NRG3: variants seen among roughly 807,000 people sequenced by gnomAD.
The protein encoded by NRG3 is neuregulin 3.
A neutral mutation model predicts 66.9 loss-of-function variants in NRG3; 31 were observed. The ratio of observed to expected loss-of-function variants is 0.46; its 90% confidence interval spans 0.35 to 0.63. The LOEUF (loss-of-function observed/expected upper bound fraction) is 0.63, where lower values mean the gene tolerates loss of function less well. Among genes scored for constraint, NRG3 ranks in the 20% least tolerant of loss-of-function variants. The pLI, the probability that NRG3 is intolerant of heterozygous loss-of-function variation, is 0.00. For missense variants in NRG3, 910 were observed against 878.9 expected, an observed-to-expected ratio of 1.04 and a Z score of -0.45; for synonymous variants, 393 against 359.4, an observed-to-expected ratio of 1.09 and a Z score of -1.06.
intron 1 of NRG3, among the ~76,000 whole-genome samples, chr10:82,016,010 A>G (rs2061771310): frequency 6.6e-6 from 1 of 150,538 alleles, no homozygotes; most frequent in African/African-American, 2.4e-5. Flanking sequence ...CAGGCAAACT[A>G]GATACCTTTA....
chr10:82,684,490 T>C (rs541537022), intron 2 of NRG3, among the ~76,000 whole-genome samples: 68 of 152,278 alleles, frequency 4.5e-4, no homozygotes, highest in African/African-American at 1.5e-3. Context: ...ATTTCAAAAT[T>C]GAGCACTAGA....
intron 2 of NRG3, among the ~76,000 whole-genome samples, chr10:82,375,165 ACTT>A (rs2085136031): frequency 6.6e-6 from 1 of 152,220 alleles, no homozygotes; most frequent in Non-Finnish European, 1.5e-5. Flanking sequence ...ATGAAGAAGC[ACTT>A]CTTAGAGGTT....
At chr10:82,358,144 G>T (rs1017193557) in intron 1 of NRG3, among the ~76,000 whole-genome samples, 2 of 152,212 alleles carry the variant, frequency 1.3e-5, no homozygotes, top group African/African-American at 4.8e-5. Context: ...GCAATAATTG[G>T]TCCTGTTAAA....
chr10:81,954,973 A>G (rs1385224775), intron 1 of NRG3, among the ~76,000 whole-genome samples: 2 of 151,974 alleles, frequency 1.3e-5, no homozygotes, highest in Non-Finnish European at 2.9e-5. Flanking sequence ...AACTGGCATG[A>G]GTTGTGCTCA....
chr10:81,907,708 G>A (rs189708379), intron 1 of NRG3, among the ~76,000 whole-genome samples: 3 of 152,218 alleles, frequency 2.0e-5, no homozygotes, highest in Admixed American at 2.0e-4. Context: ...TAAATTTGGA[G>A]CTGGGTTGTA....
intron 4 of NRG3, among the ~76,000 whole-genome samples, chr10:82,869,467 A>G (rs887940391): frequency 7.9e-5 from 12 of 152,180 alleles, no homozygotes; most frequent in African/African-American, 2.9e-4. Flanking sequence ...TATGATATGT[A>G]TCCATTATTA....
intron 3 of NRG3, among the ~76,000 whole-genome samples, chr10:82,836,674 A>G (rs966567828): frequency 6.6e-6 from 1 of 151,964 alleles, no homozygotes; most frequent in Non-Finnish European, 1.5e-5. Flanking sequence ...TGTAGGTTAT[A>G]TGCAAATACT....
chr10:82,481,452 G>T (rs1041651174), intron 2 of NRG3, among the ~76,000 whole-genome samples: 1 of 152,096 alleles, frequency 6.6e-6, no homozygotes, highest in Non-Finnish European at 1.5e-5. Flanking sequence ...TTTACTTTCT[G>T]AGAGTGTGAC....
chr10:82,891,853 T>G (rs990492340), intron 4 of NRG3, among the ~76,000 whole-genome samples: 2 of 152,054 alleles, frequency 1.3e-5, no homozygotes, highest in African/African-American at 4.8e-5. Context: ...ATTCCCAATC[T>G]CAGAATGAAA....
At chr10:82,877,024 G>GA (rs763600557) in intron 4 of NRG3, among the ~76,000 whole-genome samples, 1,947 of 94,384 alleles carry the variant, frequency 0.021, 27 homozygotes, top group African/African-American at 0.055. Flanking sequence ...ACTCTGCCAA[G>GA]AAAAAAAAAA....
At chr10:82,651,009 A>G (rs987757885) in intron 2 of NRG3, among the ~76,000 whole-genome samples, 6 of 152,220 alleles carry the variant, frequency 3.9e-5, no homozygotes, top group Non-Finnish European at 5.9e-5. Context: ...AAGTTTGCAT[A>G]CAAAAATCTA....
intron 2 of NRG3, among the ~76,000 whole-genome samples, chr10:82,616,475 G>T (rs2048657515): frequency 6.6e-6 from 1 of 152,090 alleles, no homozygotes; most frequent in African/African-American, 2.4e-5. Context: ...TTCCTGCCTT[G>T]TTAATCCCAG....
At chr10:82,239,675 T>C (rs1250761267) in intron 1 of NRG3, among the ~76,000 whole-genome samples, 1 of 152,198 alleles carries the variant, frequency 6.6e-6, no homozygotes, top group Non-Finnish European at 1.5e-5. Context: ...TATTTTTTGC[T>C]GCCTTTGCTT....
intron 1 of NRG3, among the ~76,000 whole-genome samples, chr10:82,019,047 A>G (rs146269030): frequency 9.8e-4 from 150 of 152,286 alleles, no homozygotes; most frequent in African/African-American, 3.5e-3. Context: ...GTTTTTGCCC[A>G]TTGAGGATGA....
chr10:82,195,084 A>G (rs1187882314), intron 1 of NRG3, among the ~76,000 whole-genome samples: 1 of 149,708 alleles, frequency 6.7e-6, no homozygotes, highest in Non-Finnish European at 1.5e-5. Flanking sequence ...GCAAAAAGAT[A>G]GTGGCCTCTA....
At chr10:82,091,021 CTG>C (rs1014823777) in intron 1 of NRG3, among the ~76,000 whole-genome samples, 1 of 151,888 alleles carries the variant, frequency 6.6e-6, no homozygotes, top group African/African-American at 2.4e-5. Context: ...TGAGTAAAAT[CTG>C]AGATTTCACA....
chr10:82,647,836 C>A (rs2051070065), intron 2 of NRG3, among the ~76,000 whole-genome samples: 1 of 150,964 alleles, frequency 6.6e-6, no homozygotes, highest in Admixed American at 6.6e-5. Flanking sequence ...CCTTCGCCCA[C>A]TTTTTGATGG....
intron 2 of NRG3, among the ~76,000 whole-genome samples, chr10:82,509,709 A>T (rs1844996777): frequency 6.6e-6 from 1 of 152,204 alleles, no homozygotes; most frequent in East Asian, 1.9e-4. Flanking sequence ...ACTGATTTAC[A>T]TGTGATAAAA....
At chr10:82,385,130 G>A (rs556931451) in intron 2 of NRG3, among the ~76,000 whole-genome samples, 1 of 152,046 alleles carries the variant, frequency 6.6e-6, no homozygotes, top group African/African-American at 2.4e-5. Flanking sequence ...CGAAATGTCT[G>A]TTCATGTCCT....
Sources: gnomAD v4.1 joint callset for allele counts (sites outside exome capture counted in the v4.1 genomes callset) on GRCh38, gnomAD v4.1.1 for gene constraint, MANE v1.5 for transcripts, NCBI Gene and HGNC (gene_info 2026-07-23, HGNC 2026-07-21) for gene names.